The following DISP3 variants were observed in gnomAD, a reference collection of about 807,000 sequenced individuals.
DISP3 encodes protein dispatched homolog 3.
In DISP3, 101 loss-of-function variants were observed where a neutral mutation model predicts 135.3. That is an observed-to-expected ratio of 0.75 (90% confidence interval 0.64 to 0.88). DISP3 has a LOEUF of 0.88. Ranked by LOEUF, DISP3 falls within the 40% of genes least tolerant of loss-of-function variation. The pLI is 0.00. For missense variants in DISP3, 1,713 were observed against 1,878.6 expected, an observed-to-expected ratio of 0.91 and a Z score of 1.63; for synonymous variants, 856 against 817.0, an observed-to-expected ratio of 1.05 and a Z score of -0.81.
chr1:11,520,568 C>A lies in DISP3; in HGVS notation c.2201-119C>A. 8.6e-7 allele frequency: 1 copy of A among 1,167,472 alleles called. No individual in the cohort carries two copies. The highest frequency in any genetic ancestry group is 1.2e-6 in the Non-Finnish European group (1 of 830,964). 72.3% of individuals were successfully genotyped at this position (1,167,472 alleles called of 1,614,324 possible). A position where few individuals can be genotyped will look rare whatever the true frequency, so the allele number is the denominator to read the frequency against. On this transcript the variant is annotated intron_variant, in intron 9 of 20. Coordinates refer to ENST00000294484, the MANE Select transcript of DISP3 (RefSeq NM_020780.2). This position sits in a 1 kb window ranked among gnomAD's most constrained non-coding sequence, Gnocchi z 4.8. ...GGCTGGCATGCAGGGCCTTCCCCCG[C>A]ACCCTTAGGACACCCGCCCCCCAAC...
intron 1 of DISP3, among the ~76,000 whole-genome samples, chr1:11,480,207 C>T (rs1404275314): frequency 6.6e-6 from 1 of 152,194 alleles, no homozygotes; most frequent in African/African-American, 2.4e-5. Context: ...CCCGCTGTCC[C>T]CCACTCACTG....
intron 3 of DISP3, among the ~76,000 whole-genome samples, chr1:11,513,990 A>G (rs1285636205): frequency 6.6e-6 from 1 of 151,902 alleles, no homozygotes; most frequent in Non-Finnish European, 1.5e-5. Context: ...TGTTAAGGAC[A>G]CATTGAATAG....
At chr1:11,504,564 T>C (rs1392737061) in intron 3 of DISP3, among the ~76,000 whole-genome samples, 1 of 152,204 alleles carries the variant, frequency 6.6e-6, no homozygotes, top group African/African-American at 2.4e-5. Context: ...GGAAGATGTT[T>C]GGGTCATGGG....
At chr1:11,533,253 CTTTTTTTTTTT>C (rs70983563) in intron 17 of DISP3, among the ~76,000 whole-genome samples, 11 of 103,986 alleles carry the variant, frequency 1.1e-4, no homozygotes, top group African/African-American at 3.6e-4. Flanking sequence ...GTGACTGTTT[CTTTTTTTTTTT>C]TTTTTTTTTT....
At chr1:11,485,717 T>C (rs1462501074) in intron 1 of DISP3, among the ~76,000 whole-genome samples, 1 of 152,220 alleles carries the variant, frequency 6.6e-6, no homozygotes, top group Non-Finnish European at 1.5e-5. Flanking sequence ...GAATGTTTAC[T>C]ACCTGCCGGG....
chr1:11,482,405 A>T (rs1260241046), intron 1 of DISP3, among the ~76,000 whole-genome samples: 1 of 152,202 alleles, frequency 6.6e-6, no homozygotes, highest in Non-Finnish European at 1.5e-5. Flanking sequence ...CATCACCACC[A>T]TGTGGCTAAG....
intron 13 of DISP3, among the ~76,000 whole-genome samples, chr1:11,527,353 T>G (rs28653300): frequency 0.096 from 14,580 of 151,968 alleles, 1,967 homozygotes; most frequent in African/African-American, 0.3. Flanking sequence ...ATCGAGACCA[T>G]CCTGGCTAAC....
At position 11,501,834 on chromosome 1, in the gene DISP3, C is replaced by G. The variant is rs1641540824; in HGVS notation, c.842C>G (p.Ala281Gly). Residue 281 changes from alanine (A) to glycine (G), a missense_variant, in exon 2 of 21, where the codon GCG becomes GGG. Ala to Gly is a moderately conservative substitution (Grantham distance 60). This residue lies in a region of DISP3 where 571 missense variants were observed against 494.1 expected (regional missense o/e 1.16). Coordinates refer to ENST00000294484, the MANE Select transcript of DISP3 (RefSeq NM_020780.2). This position sits in a 1 kb window ranked among gnomAD's most constrained non-coding sequence, Gnocchi z 4.9. ...AHWRIELIFL[A>G]RGDAERNIFT... ...TGGCGCATCGAGCTCATCTTCCTGG[C>G]GCGCGGCGACGCGGAGCGCAACATT... 6.2e-7 allele frequency: 1 copy of G among 1,611,204 alleles called. No homozygotes were observed. Among genetic ancestry groups the G allele is most frequent in the South Asian group, 1.1e-5 (1 of 90,822 alleles).
intron 12 of DISP3, 86 bp downstream of exon 12, chr1:11,525,398 A>T: frequency 6.9e-7 from 1 of 1,454,190 alleles, no homozygotes. Context: ...AGCCCTGGCC[A>T]ATAGGGAGGG....
chr1:11,485,801 A>T (rs1181016534), intron 1 of DISP3, among the ~76,000 whole-genome samples: 1 of 152,194 alleles, frequency 6.6e-6, no homozygotes, highest in Non-Finnish European at 1.5e-5. Flanking sequence ...TAGCACTGTT[A>T]TCTCCATGTT....
intron 3 of DISP3, among the ~76,000 whole-genome samples, chr1:11,509,136 C>T (rs1020777876): frequency 9.9e-5 from 15 of 151,642 alleles, no homozygotes; most frequent in African/African-American, 3.6e-4. Flanking sequence ...TCTATTTTTC[C>T]TTTTGATCTC....
chr1:11,512,721 G>T (rs1391187510), intron 3 of DISP3, among the ~76,000 whole-genome samples: 1 of 152,100 alleles, frequency 6.6e-6, no homozygotes, highest in Admixed American at 6.6e-5. Context: ...TATCTTTTCA[G>T]CAGAGCCCCA....
rs367781598 is a variant in DISP3, at chr1:11,519,926, C to T, written c.2200+46C>T. ...TGCCCCCTGTCTCACAGCTCCACCCCCAAAACACACAGGAACTGGGAGCCC... is the reference window on the plus strand; with the variant it reads ...TGCCCCCTGTCTCACAGCTCCACCCTCAAAACACACAGGAACTGGGAGCCC... On this transcript the variant is annotated intron_variant, in intron 9 of 20. Transcript: ENST00000294484. This position sits in a 1 kb window ranked among gnomAD's most constrained non-coding sequence, Gnocchi z 4.3. The T allele has an allele frequency of 1.3e-6, 2 of 1,555,692 alleles. No homozygotes were observed. Among genetic ancestry groups the T allele is most frequent in the Non-Finnish European group, 1.7e-6 (2 of 1,147,684 alleles).
In DISP3 at chr1:11,479,302, G is replaced by T; in HGVS notation, c.-74G>T. The T allele has an allele frequency of 6.4e-6, 1 of 156,458 alleles. No homozygotes were observed. 9.7% of individuals were successfully genotyped at this position (156,458 alleles called of 1,614,324 possible). A position where few individuals can be genotyped will look rare whatever the true frequency, so the allele number is the denominator to read the frequency against. On this transcript the variant is annotated 5_prime_UTR_variant, in exon 1 of 21. Transcript: ENST00000294484. ...GACGAGTCTGCGCAGCGTGGTGGCC[G>T]CCGCCCCCCGACCCTCTGCGCACTC...
intron 1 of DISP3, among the ~76,000 whole-genome samples, chr1:11,487,134 C>A (rs1046260295): frequency 6.6e-6 from 1 of 152,184 alleles, no homozygotes; most frequent in Admixed American, 6.5e-5. Context: ...AGGGCCTGAC[C>A]CCAAGTATGG....
intron 17 of DISP3, among the ~76,000 whole-genome samples, chr1:11,532,516 A>C (rs1259412468): frequency 6.6e-6 from 1 of 151,978 alleles, no homozygotes; most frequent in Non-Finnish European, 1.5e-5. Flanking sequence ...CCCACTATTT[A>C]TTTGTGTTAC....
At chr1:11,490,441 G>A (rs905715804) in intron 1 of DISP3, among the ~76,000 whole-genome samples, 8 of 152,168 alleles carry the variant, frequency 5.3e-5, no homozygotes, top group African/African-American at 1.4e-4. Context: ...CTAATTTTTT[G>A]TATTTTTAGT....
intron 3 of DISP3, among the ~76,000 whole-genome samples, chr1:11,511,277 G>T (rs1211703114): frequency 6.6e-6 from 1 of 152,114 alleles, no homozygotes; most frequent in Non-Finnish European, 1.5e-5. Flanking sequence ...ACAGTCCAAA[G>T]TCTCATCTGA....
Position 11,501,503 on chromosome 1 carries a change from G to GC in DISP3, c.517dup (p.Arg173ProfsTer34). On this transcript the variant is annotated frameshift_variant, in exon 2 of 21. Transcript: ENST00000294484. LOFTEE classifies it high-confidence loss of function. The surrounding 1 kb of genome is among the most constrained non-coding windows in gnomAD (Gnocchi z 4.9). ...CAACCGCTCGCGGCAAGCCTCCCGA[G>GC]CCCCCCGCGTCATCCCCGCGGCCTC... 2.5e-6 allele frequency: 4 copies of GC among 1,606,242 alleles called. No homozygotes were observed. The highest frequency in any genetic ancestry group is 8.5e-7 in the Non-Finnish European group (1 of 1,176,316).
Sources: gnomAD v4.1 joint callset for allele counts (sites outside exome capture counted in the v4.1 genomes callset) on GRCh38, gnomAD v4.1.1 for gene constraint, gnomAD v4.1.1 regional missense constraint, Gnocchi (gnomAD v3.1) non-coding constraint, MANE v1.5 for transcripts, NCBI Gene and HGNC (gene_info 2026-07-23, HGNC 2026-07-21) for gene names.